The following KCNJ6 variants were observed in gnomAD, a reference collection of about 807,000 sequenced individuals.
KCNJ6 encodes potassium inwardly rectifying channel subfamily J member 6.
KCNJ6 carries 9 observed loss-of-function variants against 34.2 expected under a neutral mutation model. That is an observed-to-expected ratio of 0.26 (90% CI 0.16 to 0.46). The LOEUF (loss-of-function observed/expected upper bound fraction) is 0.46, where lower values mean the gene tolerates loss of function less well. KCNJ6 is among the 20% of genes least tolerant of loss of function. The pLI is 1.00. For missense variants in KCNJ6, 236 were observed against 531.3 expected, an observed-to-expected ratio of 0.44 and a Z score of 5.46; for synonymous variants, 196 against 207.1, an observed-to-expected ratio of 0.95 and a Z score of 0.46.
chr21:37,655,492 G>A (rs1288130521), intron 3 of KCNJ6, among the ~76,000 whole-genome samples: 1 of 151,878 alleles, frequency 6.6e-6, no homozygotes, highest in East Asian at 1.9e-4. Flanking sequence ...GTAATACCAG[G>A]TCTTATGTGG....
At chr21:37,903,038 T>C (rs1272109726) in intron 1 of KCNJ6, among the ~76,000 whole-genome samples, 1 of 152,200 alleles carries the variant, frequency 6.6e-6, no homozygotes, top group Non-Finnish European at 1.5e-5. Flanking sequence ...TTCCTCTCCA[T>C]GCTGTCTGCG....
At chr21:37,765,911 A>G (rs1399208193) in intron 2 of KCNJ6, among the ~76,000 whole-genome samples, 1 of 152,236 alleles carries the variant, frequency 6.6e-6, no homozygotes, top group Non-Finnish European at 1.5e-5. Context: ...TAAAATTATT[A>G]TGCATATTTT....
At chr21:37,777,260 T>C (rs1405426550) in intron 2 of KCNJ6, among the ~76,000 whole-genome samples, 1 of 152,216 alleles carries the variant, frequency 6.6e-6, no homozygotes, top group Non-Finnish European at 1.5e-5. Flanking sequence ...TTAGTCTTGC[T>C]AGCGGTCTAT....
Position 37,607,576 on chromosome 21 carries a change from G to T in KCNJ6, c.*17583C>A, listed in dbSNP as rs764969489. On this transcript the variant is annotated 3_prime_UTR_variant, in exon 4 of 4. Transcript: ENST00000609713. ...TGAGCATGCTTTCGTCTCATTGTCC[G>T]TGCACAGACATACTTGGAGTTGAGT... The T allele has an allele frequency of 4.0e-5, 6 of 150,838 alleles. No homozygotes were observed. The highest frequency in any genetic ancestry group is 1.5e-5 in the Non-Finnish European group (1 of 67,898). 9.3% of individuals were successfully genotyped at this position (150,838 alleles called of 1,614,324 possible).
rs146306512 is a variant in KCNJ6 at position 37,761,406 on chromosome 21, TTG to T, written c.26-46277_26-46276del. On this transcript the variant is annotated intron_variant, in intron 2 of 3. Coordinates refer to ENST00000609713, the MANE Select transcript of KCNJ6 (RefSeq NM_002240.5). ...TGTTGTATGTAGTGTGTGTGTATATTTGTGTATGTGGTGTGTGTGTTGTGTTG... is the reference window on the plus strand; with the variant it reads ...TGTTGTATGTAGTGTGTGTGTATATTTGTATGTGGTGTGTGTGTTGTGTTG... Among the ~76,000 whole-genome samples the T allele has an allele frequency of 6.6e-4, 99 of 150,228 alleles. 2 individuals are homozygous for T. The East Asian group carries it at 0.018, about 27-fold the overall frequency.
chr21:37,629,924 G>C (rs972302923), intron 3 of KCNJ6, among the ~76,000 whole-genome samples: 1 of 152,096 alleles, frequency 6.6e-6, no homozygotes, highest in Non-Finnish European at 1.5e-5. Flanking sequence ...GGATAAAAAA[G>C]AATATTAATG....
At chr21:37,834,577 C>T (rs2055442644) in intron 2 of KCNJ6, among the ~76,000 whole-genome samples, 1 of 152,214 alleles carries the variant, frequency 6.6e-6, no homozygotes, top group Admixed American at 6.5e-5. Context: ...CTTTCTGTGC[C>T]TTAACACAAT....
Position 37,714,580 on chromosome 21 carries a change from T to G in KCNJ6, c.577A>C (p.Ile193Leu), listed in dbSNP as rs772455545. Residue 193 changes from isoleucine (I) to leucine (L), a missense_variant, in exon 3 of 4, where the codon ATC (isoleucine) becomes CTC (leucine). Physicochemically the swap from Ile to Leu is conservative, Grantham distance 5. Around this residue, in one of 5 missense-constraint regions of KCNJ6, gnomAD observed 1 missense variants for 37.2 expected, o/e 0.03. Transcript: ENST00000609713. The surrounding 1 kb of genome is among the most constrained non-coding windows in gnomAD (Gnocchi z 5.9). ...AFMVGCMFVKISQPKKRAETL... is the reference protein window; with the variant it reads ...AFMVGCMFVKLSQPKKRAETL... Reference sequence around the variant, plus strand: ...TCTGCCCTCTTCTTGGGTTGAGAGATTTTTACAAACATGCATCCCACCATG... The same window carrying G: ...TCTGCCCTCTTCTTGGGTTGAGAGAGTTTTACAAACATGCATCCCACCATG... 6.2e-7 allele frequency: 1 copy of G among 1,613,890 alleles called. No individual in the cohort carries two copies.
intron 3 of KCNJ6, among the ~76,000 whole-genome samples, chr21:37,693,978 C>T (rs2054652423): frequency 6.6e-6 from 1 of 151,960 alleles, no homozygotes; most frequent in Non-Finnish European, 1.5e-5. Context: ...AACTTCTTTA[C>T]ATTGATTATC....
intron 3 of KCNJ6, among the ~76,000 whole-genome samples, chr21:37,644,835 C>T (rs73410083): frequency 2.0e-5 from 3 of 152,100 alleles, no homozygotes; most frequent in Non-Finnish European, 2.9e-5. Context: ...ATGCCTTGAG[C>T]GTGTTTTAAA....
chr21:37,713,068 C>A (rs1489628033), intron 3 of KCNJ6, among the ~76,000 whole-genome samples: 1 of 152,086 alleles, frequency 6.6e-6, no homozygotes, highest in Non-Finnish European at 1.5e-5. Context: ...AAGTTTCACA[C>A]CACCACCGTA....
At chr21:37,707,731 G>GTGTGTGTGTGTGTATATGTGTGCA (rs1556022152) in intron 3 of KCNJ6, among the ~76,000 whole-genome samples, 1 of 150,940 alleles carries the variant, frequency 6.6e-6, no homozygotes, top group Non-Finnish European at 1.5e-5. Context: ...GCATGTGTGT[G>GTGTGTGTGTGTGTATATGTGTGCA]TGTGAATAAT....
At chr21:37,819,078 TTATTTG>T (rs1404158150) in intron 2 of KCNJ6, among the ~76,000 whole-genome samples, 5 of 152,250 alleles carry the variant, frequency 3.3e-5, no homozygotes, top group Non-Finnish European at 7.3e-5. Context: ...GTTTTCCAAA[TTATTTG>T]GTCTCATTCA....
Position 37,607,576 on chromosome 21 carries a change from G to C in KCNJ6, c.*17583C>G, listed in dbSNP as rs764969489. 2.0e-5 allele frequency: 3 copies of C among 150,838 alleles called. No homozygotes were observed. The highest frequency in any genetic ancestry group is 7.3e-5 in the African/African-American group (3 of 40,912). 9.3% of individuals were successfully genotyped at this position (150,838 alleles called of 1,614,324 possible). ...TGAGCATGCTTTCGTCTCATTGTCC[G>C]TGCACAGACATACTTGGAGTTGAGT... On this transcript the variant is annotated 3_prime_UTR_variant, in exon 4 of 4. Transcript: ENST00000609713.
At chr21:37,860,259 A>T (rs968088522) in intron 1 of KCNJ6, among the ~76,000 whole-genome samples, 1 of 152,128 alleles carries the variant, frequency 6.6e-6, no homozygotes, top group South Asian at 2.1e-4. Flanking sequence ...TATCGGTGAT[A>T]ATTTTTCTCC....
intron 1 of KCNJ6, among the ~76,000 whole-genome samples, chr21:37,884,810 A>G (rs2055727144): frequency 6.6e-6 from 1 of 152,168 alleles, no homozygotes; most frequent in Non-Finnish European, 1.5e-5. Context: ...TGCTTAAACC[A>G]AGCTAGGCTA....
chr21:37,829,989 G>T (rs2055417684), intron 2 of KCNJ6, among the ~76,000 whole-genome samples: 1 of 152,188 alleles, frequency 6.6e-6, no homozygotes, highest in South Asian at 2.1e-4. Flanking sequence ...GGGAGAAAAT[G>T]GCCAGCTCTG....
At chr21:37,883,893 T>C (rs1357862551) in intron 1 of KCNJ6, among the ~76,000 whole-genome samples, 1 of 152,174 alleles carries the variant, frequency 6.6e-6, no homozygotes, top group Non-Finnish European at 1.5e-5. Flanking sequence ...CCCTGTTGGC[T>C]TTCCAGGTTG....
intron 1 of KCNJ6, among the ~76,000 whole-genome samples, chr21:37,898,556 T>C (rs2123642526): frequency 6.8e-6 from 1 of 146,890 alleles, no homozygotes; most frequent in South Asian, 2.1e-4. Context: ...GACTCCAGCC[T>C]GGCTGACAGA....
Sources: gnomAD v4.1 joint callset for allele counts (sites outside exome capture counted in the v4.1 genomes callset) on GRCh38, gnomAD v4.1.1 for gene constraint, gnomAD v4.1.1 regional missense constraint, Gnocchi (gnomAD v3.1) non-coding constraint, MANE v1.5 for transcripts, NCBI Gene and HGNC (gene_info 2026-07-23, HGNC 2026-07-21) for gene names.